SENP7: variants seen among roughly 807,000 people sequenced by gnomAD.
SENP7 encodes the protein SUMO specific peptidase 7, also known as sentrin-specific protease 7.
In SENP7, 64 loss-of-function variants were observed where a neutral mutation model predicts 141.2. The ratio of observed to expected loss-of-function variants is 0.45; its 90% CI spans 0.37 to 0.56. The LOEUF (loss-of-function observed/expected upper bound fraction) is 0.56, where lower values mean the gene tolerates loss of function less well. SENP7 is among the 20% of genes least tolerant of loss of function. SENP7 has a pLI of 0.00. For missense variants in SENP7, 1,025 were observed against 1,212.2 expected, an observed-to-expected ratio of 0.85 and a Z score of 2.29; for synonymous variants, 382 against 426.4, an observed-to-expected ratio of 0.90 and a Z score of 1.28.
At chr3:101,398,137 T>G (rs896846415) in intron 6 of SENP7, among the ~76,000 whole-genome samples, 6 of 152,166 alleles carry the variant, frequency 3.9e-5, no homozygotes, top group African/African-American at 1.4e-4. Flanking sequence ...CACTAAGTAC[T>G]AGTTAAAATT....
At chr3:101,463,396 T>TATATACATATATATATATATAC (rs1320861204) in intron 3 of SENP7, among the ~76,000 whole-genome samples, 2 of 82,860 alleles carry the variant, frequency 2.4e-5, no homozygotes, top group African/African-American at 1.2e-4. Context: ...TATATATATA[T>TATATACATATATATATATATAC]ACATATATAT....
Position 101,417,624 on chromosome 3 carries a change from G to T in SENP7, c.451C>A (p.Pro151Thr), listed in dbSNP as rs764892469. The change falls in exon 5 of 24, where the codon CCT becomes ACT. Residue 151 changes from proline (P) to threonine (T), a missense_variant. By Grantham distance (38) the Pro-to-Thr change is conservative (BLOSUM62 -1). Coordinates refer to ENST00000394095, the MANE Select transcript of SENP7 (RefSeq NM_020654.5). ...GATAAATTAAGGCTTTGGCGAAGAGGTTCTAATTTTTGACATGTCTCTAGG... is the reference window on the plus strand; with the variant it reads ...GATAAATTAAGGCTTTGGCGAAGAGTTTCTAATTTTTGACATGTCTCTAGG... The part of the protein sequence containing the change: ...DSLETCQKLE[P>T]LRQSLNLSER... 24 of 1,613,716 alleles carry T rather than the reference G, an allele frequency of 1.5e-5. No homozygotes were observed. The highest frequency in any genetic ancestry group is 2.0e-5 in the Non-Finnish European group (24 of 1,179,798).
chr3:101,491,235 A>T (rs183754392), intron 3 of SENP7, among the ~76,000 whole-genome samples: 1 of 151,174 alleles, frequency 6.6e-6, no homozygotes, highest in Admixed American at 6.6e-5. Context: ...GGATCCTCCC[A>T]CCTCAGCCTC....
At chr3:101,490,623 C>CTATT (rs1304622526) in intron 3 of SENP7, among the ~76,000 whole-genome samples, 1 of 152,016 alleles carries the variant, frequency 6.6e-6, no homozygotes, top group African/African-American at 2.4e-5. Context: ...TGGAGCATGA[C>CTATT]AATATGTTAC....
chr3:101,357,202 T>C (rs879099247), intron 11 of SENP7: 2 of 243,954 alleles, frequency 8.2e-6, no homozygotes, highest in South Asian at 1.4e-4. Flanking sequence ...GGTTTCACCA[T>C]GTTGGTCAGG....
chr3:101,366,624 T>C lies in SENP7; in HGVS notation c.1124A>G (p.Glu375Gly). ...FTKLSSLNSQELTLSNATKSA... is the reference protein window; with the variant it reads ...FTKLSSLNSQGLTLSNATKSA... Reference sequence around the variant, plus strand: ...TTTGGTGGCATTACTCAAAGTCAACTCCTGACTGTTAAGTGAGGATAGTTT... The same window carrying C: ...TTTGGTGGCATTACTCAAAGTCAACCCCTGACTGTTAAGTGAGGATAGTTT... Residue 375 changes from glutamate to glycine, a missense_variant, in exon 9 of 24, where the codon GAG becomes GGG. Coordinates refer to ENST00000394095, the MANE Select transcript of SENP7 (RefSeq NM_020654.5). 2 of 1,614,006 alleles carry C rather than the reference T, an allele frequency of 1.2e-6. No homozygotes were observed. Among genetic ancestry groups the C allele is most frequent in the Non-Finnish European group, 1.7e-6 (2 of 1,179,892 alleles).
At chr3:101,444,510 AGACTG>A (rs2062808851) in intron 4 of SENP7, among the ~76,000 whole-genome samples, 2 of 152,084 alleles carry the variant, frequency 1.3e-5, no homozygotes, top group Admixed American at 1.3e-4. Context: ...CAACAATGAT[AGACTG>A]GATGAAGAAA....
intron 3 of SENP7, among the ~76,000 whole-genome samples, chr3:101,481,756 C>G (rs889274103): frequency 2.0e-5 from 3 of 152,096 alleles, no homozygotes; most frequent in Non-Finnish European, 2.9e-5. Flanking sequence ...CACATGTATG[C>G]CATAAATATA....
chr3:101,420,094 G>A (rs953586927), intron 4 of SENP7, among the ~76,000 whole-genome samples: 1 of 152,188 alleles, frequency 6.6e-6, no homozygotes, highest in Admixed American at 6.5e-5. Context: ...GAGGCCAGGC[G>A]CTGTGGCTCA....
At chr3:101,370,334 AG>A (rs1008475828) in intron 7 of SENP7, among the ~76,000 whole-genome samples, 1 of 152,112 alleles carries the variant, frequency 6.6e-6, no homozygotes, top group Admixed American at 6.5e-5. Context: ...TTGTCTTGAT[AG>A]TACCTGAACT....
intron 3 of SENP7, among the ~76,000 whole-genome samples, chr3:101,490,325 A>T (rs949385570): frequency 3.6e-4 from 55 of 152,308 alleles, no homozygotes; most frequent in African/African-American, 1.3e-3. Context: ...GATGCAAAAC[A>T]TGGATAAATG....
intron 6 of SENP7, among the ~76,000 whole-genome samples, chr3:101,383,063 T>C (rs1403069719): frequency 1.3e-5 from 2 of 152,206 alleles, no homozygotes; most frequent in South Asian, 2.1e-4. Context: ...GTTTGGATAA[T>C]TGTCCCTGAC....
intron 3 of SENP7, among the ~76,000 whole-genome samples, chr3:101,483,890 T>C (rs1457258477): frequency 6.6e-6 from 1 of 152,086 alleles, no homozygotes; most frequent in Non-Finnish European, 1.5e-5. Context: ...GGTCCAGACA[T>C]GGTGGCAGGT....
At chr3:101,395,833 A>G (rs1381451425) in intron 6 of SENP7, among the ~76,000 whole-genome samples, 2 of 152,248 alleles carry the variant, frequency 1.3e-5, no homozygotes, top group African/African-American at 4.8e-5. Context: ...AGTAACATCA[A>G]CTATAGTAAT....
At chr3:101,396,043 T>C (rs916997700) in intron 6 of SENP7, among the ~76,000 whole-genome samples, 2 of 152,182 alleles carry the variant, frequency 1.3e-5, no homozygotes, top group African/African-American at 4.8e-5. Context: ...CTGTCCAAGG[T>C]AAGTCAGTGT....
At chr3:101,503,341 G>C (rs1461030787) in intron 1 of SENP7, among the ~76,000 whole-genome samples, 3 of 152,196 alleles carry the variant, frequency 2.0e-5, no homozygotes. Context: ...ATCTACTGAA[G>C]TTAGACACCT....
intron 3 of SENP7, among the ~76,000 whole-genome samples, chr3:101,463,812 G>A (rs889095987): frequency 1.1e-4 from 17 of 151,892 alleles, no homozygotes; most frequent in African/African-American, 3.1e-4. Context: ...ATTTATTTAC[G>A]TATTTATTCA....
chr3:101,360,627 T>TAA (rs1354385086), intron 11 of SENP7, among the ~76,000 whole-genome samples: 1 of 152,176 alleles, frequency 6.6e-6, no homozygotes, highest in Non-Finnish European at 1.5e-5. Context: ...AGTGCCTGCT[T>TAA]AGAGTGGAAA....
At position 101,348,594 on chromosome 3, in the gene SENP7, C is replaced by T. The variant is rs145673711; in HGVS notation, c.1658-543G>A. The stretch of plus-strand genomic sequence containing the variant: ...TTCTTCTCCTAAGGCATTTGCATTC[C>T]GCTATACAGATAAGCCACTATCAAA... On this transcript the variant is annotated intron_variant, in intron 12 of 23. Transcript: ENST00000394095. 3.7e-3 allele frequency among the ~76,000 whole-genome samples: 558 copies of T among 152,138 alleles called. 8 individuals carry two copies. Among genetic ancestry groups the T allele is most frequent in the Admixed American group, 0.024 (365 of 15,278 alleles).
Sources: allele counts gnomAD v4.1 joint callset (sites outside exome capture counted in the v4.1 genomes callset), GRCh38; gene constraint gnomAD v4.1.1; transcripts MANE v1.5; gene names NCBI Gene and HGNC (gene_info 2026-07-23, HGNC 2026-07-21).